Variants in ZSCAN5A observed in about 807,000 individuals in gnomAD.
ZSCAN5A encodes zinc finger and SCAN domain-containing protein 5A.
ZSCAN5A carries 12 observed loss-of-function variants against 23.7 expected under a neutral mutation model. That is an observed-to-expected ratio of 0.51 (90% confidence interval 0.32 to 0.82). ZSCAN5A has a LOEUF of 0.82. ZSCAN5A is among the 40% of genes least tolerant of loss of function. The pLI, the probability that ZSCAN5A is intolerant of heterozygous loss-of-function variation, is 0.03. For missense variants in ZSCAN5A, 597 were observed against 617.9 expected, an observed-to-expected ratio of 0.97 and a Z score of 0.36; for synonymous variants, 257 against 239.9, an observed-to-expected ratio of 1.07 and a Z score of -0.66.
At chr19:56,294,232 G>C (rs1015953669) in intron 2 of ZSCAN5A, among the ~76,000 whole-genome samples, 2 of 152,200 alleles carry the variant, frequency 1.3e-5, no homozygotes, top group African/African-American at 4.8e-5. Flanking sequence ...GGCCCACCAG[G>C]TGCCAAGCTC....
chr19:56,303,733 C>A (rs992691733), intron 2 of ZSCAN5A, among the ~76,000 whole-genome samples: 1 of 152,134 alleles, frequency 6.6e-6, no homozygotes, highest in African/African-American at 2.4e-5. Context: ...AAACAAGCAG[C>A]CAGCTCCAAA....
At chr19:56,236,971 C>T (rs908293664) in intron 2 of ZSCAN5A, among the ~76,000 whole-genome samples, 11 of 152,238 alleles carry the variant, frequency 7.2e-5, no homozygotes, top group Non-Finnish European at 1.3e-4. Context: ...CAAGTCTCCA[C>T]GTCAGCCTCT....
chr19:56,265,232 C>CA (rs2037392795), intron 2 of ZSCAN5A, among the ~76,000 whole-genome samples: 1 of 151,650 alleles, frequency 6.6e-6, no homozygotes, highest in Admixed American at 6.6e-5. Context: ...ACAAAAAAAC[C>CA]ATTCTCAGAT....
chr19:56,245,204 TC>T, intron 2 of ZSCAN5A: 2 of 563,644 alleles, frequency 3.5e-6, no homozygotes, highest in South Asian at 3.6e-5. Flanking sequence ...AGTCTGATTG[TC>T]TTTTTTCTCT....
At chr19:56,247,379 C>A in intron 2 of ZSCAN5A, 5 of 208,250 alleles carry the variant, frequency 2.4e-5, no homozygotes, top group South Asian at 9.0e-5. Flanking sequence ...CTCATCCACT[C>A]CGGAGAGAAA....
intron 2 of ZSCAN5A, chr19:56,343,312 G>A: frequency 1.5e-6 from 1 of 687,240 alleles, no homozygotes. Flanking sequence ...GAAGACTACT[G>A]GAGTGGTGTG....
chr19:56,321,118 C>T (rs1477438429), intron 2 of ZSCAN5A: 26 of 678,500 alleles, frequency 3.8e-5, no homozygotes, highest in Non-Finnish European at 4.7e-5. Flanking sequence ...ACGGATACTG[C>T]TCCACGCTGC....
At chr19:56,320,169 C>A (rs2041360069) in intron 2 of ZSCAN5A, 3 of 707,160 alleles carry the variant, frequency 4.2e-6, no homozygotes, top group Non-Finnish European at 8.0e-6. Flanking sequence ...TAGAAACTTC[C>A]TGGTTGTTTC....
At chr19:56,321,771 C>A (rs781336355) in intron 2 of ZSCAN5A, 260 of 1,239,042 alleles carry the variant, frequency 2.1e-4, no homozygotes, top group Non-Finnish European at 2.9e-4. Flanking sequence ...GCAACCAAAT[C>A]ATACAGCTTG....
At chr19:56,333,326 C>G (rs1342408688) in intron 2 of ZSCAN5A, among the ~76,000 whole-genome samples, 1 of 151,686 alleles carries the variant, frequency 6.6e-6, no homozygotes, top group Admixed American at 6.6e-5. Flanking sequence ...TTATATAATC[C>G]CATCTTTCTC....
intron 5 of ZSCAN5A, 25 bp from the exon 6 acceptor site, chr19:56,222,351 CAGTTAATAA>C (rs779971129): frequency 1.2e-6 from 2 of 1,605,332 alleles, no homozygotes; most frequent in Admixed American, 3.4e-5. Flanking sequence ...TCCACACACA[CAGTTAATAA>C]AGCGCATTTT....
At chr19:56,231,991 C>CTTTTTTTTTT (rs1357492276) in intron 2 of ZSCAN5A, among the ~76,000 whole-genome samples, 2 of 34,352 alleles carry the variant, frequency 5.8e-5, no homozygotes, top group South Asian at 8.1e-4. Context: ...TTCTTTTTTT[C>CTTTTTTTTTT]TTTTCTTTTT....
intron 2 of ZSCAN5A, chr19:56,245,256 T>C (rs1304824252): frequency 7.4e-6 from 5 of 676,576 alleles, no homozygotes; most frequent in Admixed American, 6.1e-5. Context: ...GAATATCTTA[T>C]GCAGGAATCA....
intron 2 of ZSCAN5A, among the ~76,000 whole-genome samples, chr19:56,271,239 C>T (rs2037826607): frequency 6.6e-6 from 1 of 152,188 alleles, no homozygotes; most frequent in South Asian, 2.1e-4. Context: ...CAACGGCCTC[C>T]AACCAGGCAC....
At position 56,236,782 on chromosome 19, in the gene ZSCAN5A, G is replaced by A. The variant is rs551397319; in HGVS notation, c.-127-11609C>T. Among the ~76,000 whole-genome samples, 8 of 146,658 alleles carry A rather than the reference G, an allele frequency of 5.5e-5. No homozygotes were observed. In the East Asian group the frequency reaches 1.7e-3, roughly 31 times the overall value. On this transcript the variant is annotated intron_variant, in intron 2 of 5. Coordinates refer to ENST00000683990, the MANE Select transcript of ZSCAN5A (RefSeq NM_001322064.3). Reference sequence around the variant, plus strand: ...TCCACTCCAGCCTCTGATGGACGGTGGGCCAAGCCTCCATTCCAGCCTCTG... The same window carrying A: ...TCCACTCCAGCCTCTGATGGACGGTAGGCCAAGCCTCCATTCCAGCCTCTG...
chr19:56,255,673 C>T (rs17273351), intron 2 of ZSCAN5A, among the ~76,000 whole-genome samples: 101,363 of 151,456 alleles, frequency 0.67, 35,432 homozygotes, highest in African/African-American at 0.88. Flanking sequence ...GTTGAATAAA[C>T]TGATCATAAT....
chr19:56,349,017 T>C (rs2041651367), intron 2 of ZSCAN5A, among the ~76,000 whole-genome samples: 1 of 152,174 alleles, frequency 6.6e-6, no homozygotes, highest in South Asian at 2.1e-4. Flanking sequence ...CAAACTCTAT[T>C]TGCCAGCCTC....
intron 2 of ZSCAN5A, among the ~76,000 whole-genome samples, chr19:56,337,860 T>C (rs897935060): frequency 1.3e-5 from 2 of 152,248 alleles, no homozygotes; most frequent in African/African-American, 4.8e-5. Flanking sequence ...TTGCTTTACA[T>C]CCTGGTCAAT....
intron 2 of ZSCAN5A, among the ~76,000 whole-genome samples, chr19:56,226,701 C>G (rs2146434762): frequency 6.6e-6 from 1 of 152,308 alleles, no homozygotes; most frequent in Non-Finnish European, 1.5e-5. Context: ...ATCCGGCAAT[C>G]CCGCTCCGGG....
Sources: allele counts gnomAD v4.1 joint callset (sites outside exome capture counted in the v4.1 genomes callset), GRCh38; gene constraint gnomAD v4.1.1; transcripts MANE v1.5; gene names NCBI Gene and HGNC (gene_info 2026-07-23, HGNC 2026-07-21).